The following IFIH1 variants were observed in gnomAD, a reference collection of about 807,000 sequenced individuals.
The protein encoded by IFIH1 is interferon-induced helicase C domain-containing protein 1.
A neutral mutation model predicts 107.4 loss-of-function variants in IFIH1; 125 were observed. The ratio of observed to expected loss-of-function variants is 1.16; its 90% CI spans 1.01 to 1.35. The LOEUF is 1.35. Among genes scored for constraint, IFIH1 ranks in the 40% most tolerant of loss-of-function variants. IFIH1 has a pLI of 0.00. For missense variants in IFIH1, 1,333 were observed against 1,213.7 expected, an observed-to-expected ratio of 1.10 and a Z score of -1.46; for synonymous variants, 458 against 413.2, an observed-to-expected ratio of 1.11 and a Z score of -1.31.
At chr2:162,317,240 G>A (rs1055673876) in intron 1 of IFIH1, among the ~76,000 whole-genome samples, 3 of 152,174 alleles carry the variant, frequency 2.0e-5, no homozygotes, top group Non-Finnish European at 2.9e-5. Context: ...GAGCATGACT[G>A]TGTTCCAATA....
intron 2 of IFIH1, among the ~76,000 whole-genome samples, chr2:162,309,782 C>G (rs1240316950): frequency 2.6e-5 from 4 of 152,152 alleles, no homozygotes; most frequent in African/African-American, 9.7e-5. Context: ...CAATTAATTT[C>G]TCTTCTTTTG....
Position 162,280,553 on chromosome 2 carries a change from TTCTACACATAAAGCAGGCA to T in IFIH1, c.1525-460_1525-442del, listed in dbSNP as rs1435418757. Reference sequence around the variant, plus strand: ...ATCCGTGGATCATACTACCACCTTCTTCTACACATAAAGCAGGCATCTACACATAAAGCTGGGAGCATCC... The same window carrying T: ...ATCCGTGGATCATACTACCACCTTCTTCTACACATAAAGCTGGGAGCATCC... On this transcript the variant is annotated intron_variant, in intron 7 of 15. Transcript: ENST00000649979. 2.0e-5 allele frequency among the ~76,000 whole-genome samples: 3 copies of T among 149,522 alleles called. No individual in the cohort carries two copies. In the Middle Eastern group the frequency reaches 0.01, roughly 516 times the overall value.
rs557215155 is a variant in IFIH1 at position 162,310,812 on chromosome 2, T to C, written c.575A>G (p.Glu192Gly). The C allele has an allele frequency of 6.8e-6, 11 of 1,613,894 alleles. No individual in the cohort carries two copies. In the African/African-American group the frequency reaches 1.3e-4, roughly 20 times the overall value. The part of the protein sequence containing the change: ...LNVLRQTGNN[E>G]LVQELTGSDC... ...AGAGCCTGTTAACTCTTGGACAAGT[T>C]CATTGTTTCCTGTTTGACGAAGAAC... The change falls in exon 2 of 16, where the codon GAA (glutamate) becomes GGA (glycine). Residue 192 changes from glutamate (E) to glycine (G), a missense_variant. By Grantham distance (98) the Glu-to-Gly change is moderately conservative. Coordinates refer to ENST00000649979, the MANE Select transcript of IFIH1 (RefSeq NM_022168.4).
In IFIH1 at chr2:162,278,267, C is replaced by T. The variant is rs1264741450; in HGVS notation, c.1703G>A (p.Ser568Asn). 4 of 1,565,222 alleles carry T rather than the reference C, an allele frequency of 2.6e-6. No individual in the cohort carries two copies. The highest frequency in any genetic ancestry group is 4.5e-5 in the East Asian group (2 of 44,476). ...MTRIQTYCQM[S>N]PMSDFGTQPY... ...TTGAGTTCCAAAATCTGACATTGGA[C>T]TCATTTGACAATAAGTTTGAATCCT... Residue 568 changes from serine (S) to asparagine (N), a missense_variant, in exon 9 of 16, where the codon AGT becomes AAT. Coordinates refer to ENST00000649979, the MANE Select transcript of IFIH1 (RefSeq NM_022168.4).
At chr2:162,298,589 C>T (rs766527141) in intron 3 of IFIH1, among the ~76,000 whole-genome samples, 19 of 152,222 alleles carry the variant, frequency 1.2e-4, no homozygotes, top group Admixed American at 6.6e-4. Context: ...GTCCAAGCTA[C>T]CCCGAAAGCT....
At chr2:162,291,535 A>G (rs1174670776) in intron 4 of IFIH1, among the ~76,000 whole-genome samples, 1 of 151,796 alleles carries the variant, frequency 6.6e-6, no homozygotes. Flanking sequence ...TAGAATATTT[A>G]TACTTTAAAA....
intron 8 of IFIH1, among the ~76,000 whole-genome samples, chr2:162,278,842 G>T (rs1475059592): frequency 6.6e-6 from 1 of 152,052 alleles, no homozygotes; most frequent in Non-Finnish European, 1.5e-5. Flanking sequence ...TGTTTTAGAA[G>T]TCAAGATAGT....
rs180821161 is a variant in IFIH1 at position 162,269,399 on chromosome 2, C to T, written c.2617-1122G>A. On this transcript the variant is annotated intron_variant, in intron 13 of 15. Coordinates refer to ENST00000649979, the MANE Select transcript of IFIH1 (RefSeq NM_022168.4). ...AACAGCATAAAAAGGAGAGAAAAGG[C>T]CTGGATTCCTCATAACTTCATGGAG... 2.6e-5 allele frequency among the ~76,000 whole-genome samples: 4 copies of T among 152,310 alleles called. No homozygotes were observed. The East Asian group carries it at 7.7e-4, about 29-fold the overall frequency.
chr2:162,308,381 CTTT>C (rs1009566916), intron 2 of IFIH1, among the ~76,000 whole-genome samples: 5 of 141,728 alleles, frequency 3.5e-5, no homozygotes, highest in African/African-American at 2.6e-5. Context: ...TTCATTTAAT[CTTT>C]TTTTTTTTTT....
At chr2:162,284,944 G>A (rs186813309) in intron 5 of IFIH1, among the ~76,000 whole-genome samples, 9 of 152,002 alleles carry the variant, frequency 5.9e-5, no homozygotes, top group South Asian at 2.1e-4. Context: ...AAAAGAAGCC[G>A]CACCTTCTGA....
At chr2:162,280,608 TC>T (rs1488036497) in intron 7 of IFIH1, among the ~76,000 whole-genome samples, 1 of 152,204 alleles carries the variant, frequency 6.6e-6, no homozygotes, top group East Asian at 1.9e-4. Context: ...TTAGTCATGT[TC>T]CTTGATTATT....
At chr2:162,309,573 G>A (rs1683354594) in intron 2 of IFIH1, among the ~76,000 whole-genome samples, 1 of 152,144 alleles carries the variant, frequency 6.6e-6, no homozygotes, top group African/African-American at 2.4e-5. Flanking sequence ...GTTCAAACTG[G>A]AAGTGTATTT....
intron 11 of IFIH1, among the ~76,000 whole-genome samples, chr2:162,275,816 G>C (rs767672009): frequency 1.3e-5 from 2 of 152,032 alleles, no homozygotes; most frequent in African/African-American, 2.4e-5. Context: ...TCTTACCCAA[G>C]TGTTTTTTTA....
intron 4 of IFIH1, among the ~76,000 whole-genome samples, chr2:162,289,131 C>T (rs1402779189): frequency 3.3e-5 from 5 of 151,710 alleles, no homozygotes; most frequent in African/African-American, 1.2e-4. Context: ...CTACTTTTGC[C>T]ATTTATTTGT....
intron 4 of IFIH1, among the ~76,000 whole-genome samples, chr2:162,289,642 T>A (rs1200240517): frequency 6.6e-6 from 1 of 151,848 alleles, no homozygotes; most frequent in African/African-American, 2.4e-5. Flanking sequence ...TTTGAGTGAG[T>A]TTTAACTTGT....
At chr2:162,297,301 T>C (rs564835647) in intron 3 of IFIH1, among the ~76,000 whole-genome samples, 4 of 152,182 alleles carry the variant, frequency 2.6e-5, no homozygotes, top group Non-Finnish European at 2.9e-5. Flanking sequence ...TCAAACTATG[T>C]CAGTCTGGAT....
chr2:162,273,769 T>C (rs1439718486), intron 12 of IFIH1, 26 bp downstream of exon 12: 4 of 1,444,420 alleles, frequency 2.8e-6, no homozygotes, highest in African/African-American at 2.9e-5. Context: ...AAAATTAACA[T>C]AGTAAGTAGA....
Position 162,276,747 on chromosome 2 carries a change from T to A in IFIH1, c.2244A>T (p.Gly748=). The change falls in exon 11 of 16, where the codon GGA becomes GGT. Residue 748 remains glycine, a synonymous_variant. Coordinates refer to ENST00000649979, the MANE Select transcript of IFIH1 (RefSeq NM_022168.4). ...CTCCAATCAGATGGTGGGCTTTGAC[T>A]CCTACTTCAGCAAATTTTTCATTTT... ...ITENEKFAEV[G]VKAHHLIGAG... The A allele has an allele frequency of 6.2e-7, 1 of 1,614,050 alleles. No individual in the cohort carries two copies. Among genetic ancestry groups the A allele is most frequent in the Non-Finnish European group, 8.5e-7 (1 of 1,179,932 alleles).
intron 9 of IFIH1, 126 bp downstream of exon 9, chr2:162,278,079 G>A: frequency 1.3e-6 from 1 of 764,762 alleles, no homozygotes; most frequent in Non-Finnish European, 2.1e-6. Context: ...TTGTCCTACA[G>A]AGAACACAGA....
Sources: gnomAD v4.1 joint callset for allele counts (sites outside exome capture counted in the v4.1 genomes callset) on GRCh38, gnomAD v4.1.1 for gene constraint, MANE v1.5 for transcripts, NCBI Gene and HGNC (gene_info 2026-07-23, HGNC 2026-07-21) for gene names.